DYNC2H1: variants seen among roughly 807,000 people sequenced by gnomAD.
DYNC2H1 encodes the protein dynein cytoplasmic 2 heavy chain 1.
Under a neutral mutation model 570.0 loss-of-function variants are expected in DYNC2H1, and 410 were observed. That is an observed-to-expected ratio of 0.72 (90% CI 0.66 to 0.78). The LOEUF (loss-of-function observed/expected upper bound fraction) is 0.78. Among genes scored for constraint, DYNC2H1 ranks in the 30% least tolerant of loss-of-function variants. DYNC2H1 has a pLI of 0.00. For synonymous variants in DYNC2H1, 1,688 were observed against 1,677.6 expected, an observed-to-expected ratio of 1.01 and a Z score of -0.15; for missense variants, 4,865 against 5,046.4, an observed-to-expected ratio of 0.96 and a Z score of 1.09.
chr11:103,130,561 A>G (rs931063370), intron 13 of DYNC2H1, among the ~76,000 whole-genome samples: 1 of 152,260 alleles, frequency 6.6e-6, no homozygotes, highest in African/African-American at 2.4e-5. Flanking sequence ...TAATCATGCC[A>G]TGAAGAAATG....
chr11:103,125,097 T>C lies in DYNC2H1; in HGVS notation c.1662-3T>C, dbSNP rs548328948. The stretch of plus-strand genomic sequence containing the variant: ...TTAACAGGTTATTTATTTTGTTTTA[T>C]AGTATTGAGGCTAGTAGTCGAATTA... On this transcript the variant is annotated splice_region_variant and splice_polypyrimidine_tract_variant and intron_variant, in intron 11 of 88. Transcript: ENST00000375735. The C allele has an allele frequency of 9.3e-5, 149 of 1,603,484 alleles. 2 individuals carry two copies. The East Asian group carries it at 1.4e-3, about 15-fold the overall frequency.
chr11:103,360,543 C>T (rs1218153332), intron 83 of DYNC2H1, among the ~76,000 whole-genome samples: 1 of 152,110 alleles, frequency 6.6e-6, no homozygotes, highest in Non-Finnish European at 1.5e-5. Context: ...TAACATTTAT[C>T]AAAGGTACTT....
intron 12 of DYNC2H1, among the ~76,000 whole-genome samples, chr11:103,126,533 C>A (rs72989709): frequency 0.013 from 1,976 of 152,134 alleles, 18 homozygotes; most frequent in Non-Finnish European, 0.021. Context: ...TACCACTGAT[C>A]TAACTGAGGA....
intron 83 of DYNC2H1, among the ~76,000 whole-genome samples, chr11:103,380,326 G>T (rs10895413): frequency 0.29 from 43,622 of 151,924 alleles, 6,342 homozygotes; most frequent in South Asian, 0.35. Context: ...CCAGTCATTT[G>T]TTTTCTCATT....
At position 103,114,089 on chromosome 11, in the gene DYNC2H1, CT is replaced by C. The variant is rs1565308604; in HGVS notation, c.367-13del. ...TTTGATCAATCTTGGTTGCTCTTGT[CT>C]GTTTTTATTTAGGATCAGGAATGGA... On this transcript the variant is annotated splice_polypyrimidine_tract_variant and intron_variant, in intron 2 of 88. Coordinates refer to ENST00000375735, the MANE Select transcript of DYNC2H1 (RefSeq NM_001377.3). 4.4e-6 allele frequency: 7 copies of C among 1,606,806 alleles called. No homozygotes were observed. Among genetic ancestry groups the C allele is most frequent in the South Asian group, 3.3e-5 (3 of 89,604 alleles).
In DYNC2H1 at chr11:103,465,295, G is replaced by A. The variant is rs1384357488; in HGVS notation, c.12649-3294G>A. On this transcript the variant is annotated intron_variant, in intron 87 of 88. Transcript: ENST00000375735. The surrounding 1 kb of genome is among the most constrained non-coding windows in gnomAD (Gnocchi z 4.9). Reference sequence around the variant, plus strand: ...AGATATACATTTCAGTCGTGATCACGCAGATAATTTGAGAAGTGGAAAAAT... The same window carrying A: ...AGATATACATTTCAGTCGTGATCACACAGATAATTTGAGAAGTGGAAAAAT... Among the ~76,000 whole-genome samples, 3 of 152,078 alleles carry A rather than the reference G, an allele frequency of 2.0e-5. No homozygotes were observed. The highest frequency in any genetic ancestry group is 6.5e-5 in the Admixed American group (1 of 15,276).
rs1565339951 is a variant in DYNC2H1 at position 103,145,446 on chromosome 11, C to G, written c.2702+2051C>G. Among the ~76,000 whole-genome samples the G allele has an allele frequency of 2.6e-5, 4 of 152,098 alleles. No individual in the cohort carries two copies. Among genetic ancestry groups the G allele is most frequent in the South Asian group, 4.1e-4 (2 of 4,830 alleles). ...TGCCTTTGATCCCAATCTTGCCCATCTTCTTTGACTTAATGCTGTCACCTG... is the reference window on the plus strand; with the variant it reads ...TGCCTTTGATCCCAATCTTGCCCATGTTCTTTGACTTAATGCTGTCACCTG... On this transcript the variant is annotated intron_variant, in intron 18 of 88. Coordinates refer to ENST00000375735, the MANE Select transcript of DYNC2H1 (RefSeq NM_001377.3). This position sits in a 1 kb window ranked among gnomAD's most constrained non-coding sequence, Gnocchi z 4.2.
intron 87 of DYNC2H1, among the ~76,000 whole-genome samples, chr11:103,464,983 C>T (rs560686819): frequency 6.6e-6 from 1 of 152,064 alleles, no homozygotes; most frequent in Admixed American, 6.6e-5. Context: ...AGCAATAATT[C>T]AATTAGATAT....
intron 70 of DYNC2H1, among the ~76,000 whole-genome samples, chr11:103,265,727 GA>G (rs1296920528): frequency 6.6e-6 from 1 of 152,192 alleles, no homozygotes; most frequent in Non-Finnish European, 1.5e-5. Flanking sequence ...TTGTTTGGAG[GA>G]AAGAAGGCAC....
In DYNC2H1 at chr11:103,140,098, C is replaced by T. The variant is rs189818795; in HGVS notation, c.2575-3170C>T. Among the ~76,000 whole-genome samples, 419 of 152,180 alleles carry T rather than the reference C, an allele frequency of 2.8e-3. 4 individuals are homozygous for T. Among genetic ancestry groups the T allele is most frequent in the African/African-American group, 9.0e-3 (374 of 41,496 alleles). ...TCTTCCTCCATCCTTTTATTTTGAG[C>T]CTATGTTGTCTCTGCACGTGAGATG... is the stretch of plus-strand genomic sequence containing the variant. On this transcript the variant is annotated intron_variant, in intron 17 of 88. Transcript: ENST00000375735.
intron 36 of DYNC2H1, among the ~76,000 whole-genome samples, chr11:103,174,929 G>A (rs1164850672): frequency 1.1e-5 from 1 of 92,598 alleles, no homozygotes; most frequent in African/African-American, 4.5e-5. Flanking sequence ...CTCCTTGCGG[G>A]GTTTGGGGGG....
intron 88 of DYNC2H1, among the ~76,000 whole-genome samples, chr11:103,476,545 G>A (rs1945553093): frequency 6.6e-6 from 1 of 152,160 alleles, no homozygotes; most frequent in Non-Finnish European, 1.5e-5. Flanking sequence ...GCTCATCAGT[G>A]CAAACAGATA....
intron 70 of DYNC2H1, among the ~76,000 whole-genome samples, chr11:103,279,158 A>G (rs1866030804): frequency 6.6e-6 from 1 of 152,190 alleles, no homozygotes; most frequent in Non-Finnish European, 1.5e-5. Flanking sequence ...TATCTTATCC[A>G]TTTCCATACT....
intron 13 of DYNC2H1, among the ~76,000 whole-genome samples, chr11:103,130,871 G>A (rs561588810): frequency 2.6e-5 from 4 of 152,270 alleles, no homozygotes; most frequent in African/African-American, 9.6e-5. Flanking sequence ...CATAGTAGTG[G>A]TTATAAAACT....
chr11:103,125,965 T>A (rs892936145), intron 12 of DYNC2H1, among the ~76,000 whole-genome samples: 4 of 152,244 alleles, frequency 2.6e-5, no homozygotes, highest in Admixed American at 2.0e-4. Flanking sequence ...TCACTTTCTC[T>A]GTTGTGTCTT....
chr11:103,345,456 A>C (rs1400812092), intron 82 of DYNC2H1, among the ~76,000 whole-genome samples: 1 of 152,236 alleles, frequency 6.6e-6, no homozygotes, highest in African/African-American at 2.4e-5. Context: ...TAATATCTGC[A>C]TCCTTTTAAT....
In DYNC2H1 at chr11:103,211,764, AT is replaced by A. The variant is rs768876131; in HGVS notation, c.8540-20del. ...TAATGAATCATACATATAATAAGTT[AT>A]TTTTATTTTCTATTTTTTTCTAGTT... On this transcript the variant is annotated intron_variant, in intron 53 of 88. Transcript: ENST00000375735. The A allele has an allele frequency of 2.9e-6, 3 of 1,018,198 alleles. No individual in the cohort carries two copies. In the South Asian group the frequency reaches 6.1e-5, roughly 21 times the overall value. 63.1% of individuals were successfully genotyped at this position (1,018,198 alleles called of 1,614,324 possible). A position where few individuals can be genotyped will look rare whatever the true frequency, so the allele number is the denominator to read the frequency against.
intron 68 of DYNC2H1, among the ~76,000 whole-genome samples, chr11:103,257,035 C>T (rs1159659446): frequency 6.6e-6 from 1 of 152,122 alleles, no homozygotes; most frequent in Non-Finnish European, 1.5e-5. Context: ...TGTGTGTCCT[C>T]ATCACCCCCA....
intron 63 of DYNC2H1, among the ~76,000 whole-genome samples, chr11:103,240,593 CTTCTCAAATCTAT>C (rs1174209719): frequency 2.0e-5 from 3 of 152,078 alleles, no homozygotes; most frequent in Non-Finnish European, 4.4e-5. Context: ...TTCAACTAAT[CTTCTCAAATCTAT>C]TTCTCAAATA....
Sources: gnomAD v4.1 joint callset for allele counts (sites outside exome capture counted in the v4.1 genomes callset) on GRCh38, gnomAD v4.1.1 for gene constraint, Gnocchi (gnomAD v3.1) non-coding constraint, MANE v1.5 for transcripts, NCBI Gene and HGNC (gene_info 2026-07-23, HGNC 2026-07-21) for gene names.